TMEM38B: variants seen among roughly 807,000 people sequenced by gnomAD.
TMEM38B encodes the protein trimeric intracellular cation channel type B.
Under a neutral mutation model 28.7 loss-of-function variants are expected in TMEM38B, and 24 were observed. The observed-to-expected ratio is 0.84, with a 90% CI of 0.61 to 1.18. The LOEUF is 1.18. Among genes scored for constraint, TMEM38B ranks in the 50% most tolerant of loss-of-function variants. The probability of loss-of-function intolerance (pLI) is 0.00; values close to 1 mark genes in which losing one functional copy is unlikely to be tolerated. For synonymous variants in TMEM38B, 131 were observed against 127.7 expected (o/e 1.03, Z -0.17); for missense variants, 380 against 350.9 (o/e 1.08, Z -0.66).
chr9:105,723,777 C>T (rs1670052486), intron 4 of TMEM38B, among the ~76,000 whole-genome samples: 1 of 152,164 alleles, frequency 6.6e-6, no homozygotes, highest in Admixed American at 6.5e-5. Context: ...GATCTTCCTT[C>T]CTTAGCCTCC....
rs112613378 is a variant in TMEM38B, at chr9:105,721,719, G to A, written c.452G>A (p.Arg151Gln). The change falls in exon 3 of 6, where the codon CGA becomes CAA. Residue 151 changes from arginine (R) to glutamine (Q), a missense_variant and splice_region_variant. Transcript: ENST00000374692. ...WIVMIAIGWA[R>Q]GAGGTIITNF... ...GTCATGATAGCTATTGGATGGGCCC[G>A]AGGTAATATTGACAATATGTGTTCA... 2.3e-4 allele frequency: 371 copies of A among 1,607,154 alleles called. 2 individuals carry two copies. In the African/African-American group the frequency reaches 4.2e-3, roughly 18 times the overall value.
At chr9:105,756,516 A>G (rs1837837089) in intron 5 of TMEM38B, among the ~76,000 whole-genome samples, 1 of 152,334 alleles carries the variant, frequency 6.6e-6, no homozygotes, top group East Asian at 1.9e-4. Flanking sequence ...TAATCTTTAA[A>G]GAAAATGAAT....
chr9:105,762,468 T>G (rs1021997844), intron 5 of TMEM38B, among the ~76,000 whole-genome samples: 1 of 144,934 alleles, frequency 6.9e-6, no homozygotes, highest in Non-Finnish European at 1.5e-5. Context: ...CCATGTGTTC[T>G]CATTGTTCAG....
At chr9:105,739,552 G>A (rs1444525293) in intron 4 of TMEM38B, among the ~76,000 whole-genome samples, 1 of 152,058 alleles carries the variant, frequency 6.6e-6, no homozygotes, top group Non-Finnish European at 1.5e-5. Context: ...TTTAGACAGA[G>A]TGTCACTCTG....
At chr9:105,722,236 C>T (rs1312254367) in intron 3 of TMEM38B, among the ~76,000 whole-genome samples, 1 of 151,904 alleles carries the variant, frequency 6.6e-6, no homozygotes, top group African/African-American at 2.4e-5. Flanking sequence ...TGAAACCGGT[C>T]GTATCAGGAA....
chr9:105,705,350 G>A (rs1316814970), intron 1 of TMEM38B, among the ~76,000 whole-genome samples: 5 of 152,296 alleles, frequency 3.3e-5, no homozygotes, highest in African/African-American at 1.2e-4. Flanking sequence ...GGCAATGACA[G>A]CCTAAACAGA....
Position 105,694,624 on chromosome 9 carries a change from G to T in TMEM38B, c.-37G>T, listed in dbSNP as rs771079105. On this transcript the variant is annotated 5_prime_UTR_variant, in exon 1 of 6. Coordinates refer to ENST00000374692, the MANE Select transcript of TMEM38B (RefSeq NM_018112.3). ...ACCGCGCGAGCGCGGGGAACCAGTA[G>T]CCGCGGCTGCTTCGGTTGCCGCGGT... 4.3e-5 allele frequency: 67 copies of T among 1,573,656 alleles called. No homozygotes were observed. Among genetic ancestry groups the T allele is most frequent in the Admixed American group, 1.0e-4 (6 of 59,864 alleles).
chr9:105,762,302 A>G (rs1236527933), intron 5 of TMEM38B, among the ~76,000 whole-genome samples: 2 of 151,602 alleles, frequency 1.3e-5, no homozygotes, highest in Non-Finnish European at 2.9e-5. Context: ...ACATGTGCAC[A>G]ATGTGCAGGT....
intron 4 of TMEM38B, among the ~76,000 whole-genome samples, chr9:105,747,774 G>T (rs965420961): frequency 8.5e-5 from 13 of 152,180 alleles, no homozygotes; most frequent in African/African-American, 2.9e-4. Context: ...CTGGTATGTT[G>T]TGTCGTTGTT....
At chr9:105,723,414 T>G (rs117087359) in intron 4 of TMEM38B, among the ~76,000 whole-genome samples, 19,526 of 151,688 alleles carry the variant, frequency 0.13, 1,727 homozygotes, top group East Asian at 0.46. Context: ...TTGTATTTTT[T>G]TTTTTTTTTT....
intron 4 of TMEM38B, among the ~76,000 whole-genome samples, chr9:105,731,043 G>GT (rs1224153954): frequency 1.3e-5 from 2 of 152,112 alleles, no homozygotes; most frequent in South Asian, 2.1e-4. Context: ...TTTTTGAAGG[G>GT]TTTTTTGTGT....
chr9:105,767,526 G>A (rs1826415069), intron 5 of TMEM38B, among the ~76,000 whole-genome samples: 1 of 152,118 alleles, frequency 6.6e-6, no homozygotes, highest in Admixed American at 6.5e-5. Flanking sequence ...GATTAATTTG[G>A]GAAGAAATCA....
At chr9:105,741,590 C>T (rs1438242760) in intron 4 of TMEM38B, among the ~76,000 whole-genome samples, 1 of 152,158 alleles carries the variant, frequency 6.6e-6, no homozygotes. Context: ...GTGGTGGAAA[C>T]TTAGCTGCAC....
intron 1 of TMEM38B, among the ~76,000 whole-genome samples, chr9:105,702,204 ATGT>A (rs1400346527): frequency 6.6e-6 from 1 of 151,240 alleles, no homozygotes; most frequent in Non-Finnish European, 1.5e-5. Flanking sequence ...CATATAGGAT[ATGT>A]TGTTCATTTT....
chr9:105,740,258 G>A (rs1837149584), intron 4 of TMEM38B, among the ~76,000 whole-genome samples: 1 of 99,994 alleles, frequency 1.0e-5, no homozygotes, highest in Non-Finnish European at 1.8e-5. Flanking sequence ...TTATTCCTAG[G>A]TGTTTTTTTT....
At chr9:105,697,240 T>C (rs1835319877) in intron 1 of TMEM38B, among the ~76,000 whole-genome samples, 1 of 152,202 alleles carries the variant, frequency 6.6e-6, no homozygotes, top group African/African-American at 2.4e-5. Flanking sequence ...TTGGCAAGCA[T>C]TAATCTGTTT....
At chr9:105,759,744 A>G (rs896250414) in intron 5 of TMEM38B, 2 of 1,606,030 alleles carry the variant, frequency 1.2e-6, no homozygotes, top group African/African-American at 2.7e-5. Flanking sequence ...AAAATATTCA[A>G]AAGCCATTCC....
chr9:105,713,756 T>C (rs746117003), intron 2 of TMEM38B, among the ~76,000 whole-genome samples: 2 of 152,126 alleles, frequency 1.3e-5, no homozygotes, highest in Middle Eastern at 3.2e-3. Context: ...GCGGAACTCA[T>C]AGTGCCTTTT....
intron 4 of TMEM38B, among the ~76,000 whole-genome samples, chr9:105,726,646 TAGAA>T (rs1323429210): frequency 3.9e-5 from 6 of 152,196 alleles, no homozygotes; most frequent in South Asian, 2.1e-4. Context: ...AAATAAATAA[TAGAA>T]AGAGGCCAGC....
Sources: allele counts gnomAD v4.1 joint callset (sites outside exome capture counted in the v4.1 genomes callset), GRCh38; gene constraint gnomAD v4.1.1; transcripts MANE v1.5; gene names NCBI Gene and HGNC (gene_info 2026-07-23, HGNC 2026-07-21).